The following KRT33B variants were observed in gnomAD, a reference collection of about 807,000 sequenced individuals.
KRT33B encodes keratin 33B.
KRT33B carries 37 observed loss-of-function variants against 42.7 expected under a neutral mutation model. The ratio of observed to expected loss-of-function variants is 0.87; its 90% CI spans 0.67 to 1.14. KRT33B has a LOEUF of 1.14. KRT33B is among the 50% of genes most tolerant of loss of function. The pLI is 0.00. For synonymous variants in KRT33B, 237 were observed against 221.2 expected (o/e 1.07, Z -0.63); for missense variants, 523 against 515.1 (o/e 1.02, Z -0.15).
intron 3 of KRT33B, among the ~76,000 whole-genome samples, chr17:41,366,052 G>T (rs1232979985): frequency 6.6e-6 from 1 of 151,142 alleles, no homozygotes; most frequent in Non-Finnish European, 1.5e-5. Context: ...CCATCCATCA[G>T]TTCATCCATC....
At chr17:41,368,202 C>G (rs1452846529) in intron 1 of KRT33B, among the ~76,000 whole-genome samples, 1 of 151,356 alleles carries the variant, frequency 6.6e-6, no homozygotes, top group East Asian at 1.9e-4. Context: ...CTATTCTTAT[C>G]TGCTTCTGGC....
rs1018171243 is a variant in KRT33B, at chr17:41,365,654, A to G, written c.589-101T>C. ...TGGGAAGAGGATTGCATTGCAGCTTAGGAAACATGAGTTGAAGCCCAGCTG... is the reference window on the plus strand; with the variant it reads ...TGGGAAGAGGATTGCATTGCAGCTTGGGAAACATGAGTTGAAGCCCAGCTG... On this transcript the variant is annotated intron_variant, in intron 3 of 6. Coordinates refer to ENST00000251646, the MANE Select transcript of KRT33B (RefSeq NM_002279.5). 3.5e-6 allele frequency: 5 copies of G among 1,439,596 alleles called. 1 individual carries two copies. In the African/African-American group the frequency reaches 7.5e-5, roughly 22 times the overall value. 89.2% of individuals were successfully genotyped at this position (1,439,596 alleles called of 1,614,324 possible).
Position 41,369,546 on chromosome 17 carries a change from T to C in KRT33B, c.205A>G (p.Ser69Gly). Residue 69 changes from serine to glycine, a missense_variant, in exon 1 of 7, where the codon AGC becomes GGC. Transcript: ENST00000251646. ...AGCTGACGCACCTTCTCCAGGTAGC[T>C]GGCCAGGCGGTCGTTCAGGAACTGC... ...TMQFLNDRLA[S>G]YLEKVRQLER... The C allele has an allele frequency of 6.2e-7, 1 of 1,614,062 alleles. No homozygotes were observed. The highest frequency in any genetic ancestry group is 8.5e-7 in the Non-Finnish European group (1 of 1,180,046).
Position 41,367,636 on chromosome 17 carries a change from G to A in KRT33B, c.431+272C>T, listed in dbSNP as rs575460688. 5.3e-5 allele frequency among the ~76,000 whole-genome samples: 8 copies of A among 151,250 alleles called. 1 individual carries two copies. Among genetic ancestry groups the A allele is most frequent in the African/African-American group, 1.5e-4 (6 of 40,638 alleles). ...GGAAAATCACTTGAATCCGGGAGGC[G>A]GAGGTTGCAGTGAGCCAAGATTGCA... On this transcript the variant is annotated intron_variant, in intron 2 of 6. Transcript: ENST00000251646.
At chr17:41,364,679 G>T in intron 6 of KRT33B, 100 bp downstream of exon 6, 1 of 1,477,992 alleles carries the variant, frequency 6.8e-7, no homozygotes, top group Non-Finnish European at 9.3e-7. Context: ...CGCCTCTACA[G>T]ACAGATTGGC....
rs768448141 is a variant in KRT33B, at chr17:41,365,461, C to T, written c.681G>A (p.Glu227=). 3.1e-6 allele frequency: 5 copies of T among 1,613,062 alleles called. 2 individuals carry two copies. In the African/African-American group the frequency reaches 6.8e-5, roughly 22 times the overall value. ...CCAGGGCCTCATACTGATTCCTGGT[C>T]TCGTTCAGGACCTGGTTCAGGTCCA... ...PAVDLNQVLN[E]TRNQYEALVE... The change falls in exon 4 of 7, where the codon GAG becomes GAA. Residue 227 remains glutamate, a synonymous_variant. Coordinates refer to ENST00000251646, the MANE Select transcript of KRT33B (RefSeq NM_002279.5).
rs2017748322 is a variant in KRT33B, at chr17:41,369,508, G to A, written c.243C>T (p.Asn81=). Residue 81 remains asparagine (N), a synonymous_variant, in exon 1 of 7, where the codon AAC becomes AAT. Transcript: ENST00000251646. ...LEKVRQLERD[N]AELENLIRER... The stretch of plus-strand genomic sequence containing the variant: ...CCCGGATGAGGTTCTCCAGCTCCGC[G>A]TTGTCCCGCTCCAGCTGACGCACCT... 7 of 1,613,992 alleles carry A rather than the reference G, an allele frequency of 4.3e-6. No homozygotes were observed. Among genetic ancestry groups the A allele is most frequent in the African/African-American group, 2.7e-5 (2 of 74,850 alleles).
At chr17:41,364,687 G>T in intron 6 of KRT33B, 92 bp downstream of exon 6, 2 of 1,507,372 alleles carry the variant, frequency 1.3e-6, no homozygotes, top group Non-Finnish European at 1.8e-6. Flanking sequence ...CAGACAGATT[G>T]GCATCTGAAA....
rs140761053 is a variant in KRT33B, at chr17:41,367,946, G to T, written c.393C>A (p.Ile131=). ...CATCTGCAGCCAGCTTGGCATTGTC[G>T]ATCTGCACCACCAGCCTGGCATTCT... ...KSENARLVVQ[I]DNAKLAADDF... is the part of the protein sequence containing the mutation. Residue 131 remains isoleucine (I), a synonymous_variant, in exon 2 of 7, where the codon ATC becomes ATA. Coordinates refer to ENST00000251646, the MANE Select transcript of KRT33B (RefSeq NM_002279.5). 5.4e-5 allele frequency: 87 copies of T among 1,612,996 alleles called. 1 individual carries two copies. In the African/African-American group the frequency reaches 1.0e-3, roughly 19 times the overall value.
intron 1 of KRT33B, 107 bp downstream of exon 1, chr17:41,369,296 A>G: frequency 7.0e-7 from 1 of 1,424,912 alleles, no homozygotes. Context: ...CTATGTCTTT[A>G]TCATTCTCAG....
chr17:41,368,666 C>T (rs918764022), intron 1 of KRT33B, among the ~76,000 whole-genome samples: 1 of 151,294 alleles, frequency 6.6e-6, no homozygotes, highest in African/African-American at 2.5e-5. Flanking sequence ...AATAGCACAA[C>T]CCCTTTCTGG....
chr17:41,367,068 ATCTCTC>A (rs1229674939), intron 2 of KRT33B, among the ~76,000 whole-genome samples: 1 of 151,350 alleles, frequency 6.6e-6, no homozygotes, highest in Non-Finnish European at 1.5e-5. Flanking sequence ...AGATACCTTT[ATCTCTC>A]TGAGGCTTGA....
At chr17:41,367,636 G>T (rs575460688) in intron 2 of KRT33B, among the ~76,000 whole-genome samples, 1 of 151,132 alleles carries the variant, frequency 6.6e-6, no homozygotes, top group African/African-American at 2.5e-5. Context: ...TCCGGGAGGC[G>T]GAGGTTGCAG....
intron 5 of KRT33B, 49 bp from the exon 6 acceptor site, chr17:41,365,048 T>C: frequency 6.2e-7 from 1 of 1,610,694 alleles, no homozygotes; most frequent in East Asian, 2.2e-5. Flanking sequence ...CTTATAGGGT[T>C]CCTCCATGGG....
chr17:41,364,644 T>C (rs2017669821), intron 6 of KRT33B, 135 bp downstream of exon 6: 1 of 1,142,924 alleles, frequency 8.7e-7, no homozygotes, highest in Non-Finnish European at 1.2e-6. Flanking sequence ...ATCCTACACT[T>C]CCCACGGCTG....
chr17:41,364,876 G>C lies in KRT33B; in HGVS notation c.1000C>G (p.Arg334Gly). Residue 334 changes from arginine to glycine, a missense_variant, in exon 6 of 7, where the codon CGG becomes GGG. Coordinates refer to ENST00000251646, the MANE Select transcript of KRT33B (RefSeq NM_002279.5). The part of the protein sequence containing the change: ...QLAEIRSDLE[R>G]QNQEYQVLLD... ...AGCACCTGATACTCCTGGTTCTGCC[G>C]CTCCAGGTCACTGCGGATCTCCGCC... 4 of 1,613,246 alleles carry C rather than the reference G, an allele frequency of 2.5e-6. No individual in the cohort carries two copies. Among genetic ancestry groups the C allele is most frequent in the Non-Finnish European group, 3.4e-6 (4 of 1,180,040 alleles).
At chr17:41,366,343 G>T in intron 3 of KRT33B, 127 bp downstream of exon 3, 1 of 1,091,158 alleles carries the variant, frequency 9.2e-7, no homozygotes, top group Non-Finnish European at 1.3e-6. Context: ...AAGCCCCAAA[G>T]TATGTTTTGA....
intron 3 of KRT33B, among the ~76,000 whole-genome samples, chr17:41,365,853 CTACTTAAA>C (rs1259121385): frequency 6.6e-6 from 1 of 151,326 alleles, no homozygotes; most frequent in Middle Eastern, 3.2e-3. Context: ...ACAATTGTTG[CTACTTAAA>C]TATAGAGAAA....
intron 1 of KRT33B, among the ~76,000 whole-genome samples, chr17:41,369,198 T>G (rs988704995): frequency 2.6e-5 from 4 of 151,374 alleles, no homozygotes; most frequent in Non-Finnish European, 5.9e-5. Flanking sequence ...GGTCTAATGC[T>G]TCACTCTAAC....
Sources: allele counts gnomAD v4.1 joint callset (sites outside exome capture counted in the v4.1 genomes callset), GRCh38; gene constraint gnomAD v4.1.1; transcripts MANE v1.5; gene names NCBI Gene and HGNC (gene_info 2026-07-23, HGNC 2026-07-21).